Variants in NEB observed in about 807,000 individuals in gnomAD.
The protein encoded by NEB is nemaline myopathy type 2.
NEB carries 512 observed loss-of-function variants against 952.2 expected under a neutral mutation model. That is an observed-to-expected ratio of 0.54 (90% confidence interval 0.50 to 0.58). The LOEUF is 0.58. Among genes scored for constraint, NEB ranks in the 20% least tolerant of loss-of-function variants. The probability of loss-of-function intolerance (pLI) is 0.00; values close to 1 mark genes in which losing one functional copy is unlikely to be tolerated. For missense variants in NEB, 8,428 were observed against 9,231.1 expected, an observed-to-expected ratio of 0.91 and a Z score of 3.56; for synonymous variants, 2,900 against 3,149.8, an observed-to-expected ratio of 0.92 and a Z score of 2.66.
At chr2:151,576,514 ATATTTTTTTTTTTTTTTTTT>A (rs1402333902) in intron 105 of NEB, among the ~76,000 whole-genome samples, 160 bp from the exon 106 acceptor site, 36 of 26,196 alleles carry the variant, frequency 1.4e-3, no homozygotes, top group Non-Finnish European at 1.9e-3. Flanking sequence ...ATATATATAT[ATATTTTTTTTTTTTTTTTTT>A]TTTTTTTTTT....
chr2:151,570,601 T>C lies in NEB; in HGVS notation c.17014A>G (p.Lys5672Glu), dbSNP rs1171154716. The C allele has an allele frequency of 6.3e-7, 1 of 1,584,108 alleles. No homozygotes were observed. The highest frequency in any genetic ancestry group is 8.6e-7 in the Non-Finnish European group (1 of 1,164,524). Residue 5672 changes from lysine (K) to glutamate (E), a missense_variant and splice_region_variant, in exon 108 of 182, where the codon AAA becomes GAA. By Grantham distance (56) the Lys-to-Glu change is moderately conservative. This residue lies in a region of NEB where 3,374 missense variants were observed against 3,651.5 expected (regional missense o/e 0.92). Coordinates refer to ENST00000397345, the MANE Select transcript of NEB (RefSeq NM_001164508.2). Reference protein sequence around the residue: ...ARANALNVSNKLYREGWDEMK... With the variant: ...ARANALNVSNELYREGWDEMK... ...TCATCCCAGCCCTCACGGTAAAGTT[T>C]CTGAAAAGGAGAAAAATAAGGTATC... is the stretch of plus-strand genomic sequence containing the variant.
At chr2:151,614,197 G>T in intron 77 of NEB, 79 bp downstream of exon 77, 1 of 1,516,356 alleles carries the variant, frequency 6.6e-7, no homozygotes, top group Non-Finnish European at 9.0e-7. Context: ...GGTTTCACCA[G>T]ACTGTGGAAA....
At chr2:151,623,826 T>C (rs974359324) in intron 71 of NEB, among the ~76,000 whole-genome samples, 2 of 152,154 alleles carry the variant, frequency 1.3e-5, no homozygotes, top group Non-Finnish European at 2.9e-5. Context: ...ATTTTAAAAA[T>C]GGTATAAGTG....
At chr2:151,639,141 A>C in intron 63 of NEB, 139 bp downstream of exon 63, 2 of 614,410 alleles carry the variant, frequency 3.3e-6, no homozygotes, top group Non-Finnish European at 5.4e-6. Flanking sequence ...TATGATGGTG[A>C]TTGAGAAATG....
In NEB at chr2:151,591,458, GCAAA is replaced by G; in HGVS notation, c.14827-7_14827-4del. ...TCCCAAGCTTGCTGATAGCGTTTCT[GCAAA>G]CAGAGAGTGCAATGCCACAGTCAGT... On this transcript the variant is annotated splice_polypyrimidine_tract_variant and splice_region_variant and intron_variant, in intron 95 of 181. Transcript: ENST00000397345. The G allele has an allele frequency of 3.2e-6, 5 of 1,548,236 alleles. No individual in the cohort carries two copies. The highest frequency in any genetic ancestry group is 3.5e-6 in the Non-Finnish European group (4 of 1,145,824).
intron 141 of NEB, 96 bp downstream of exon 141, chr2:151,537,036 G>C: frequency 1.4e-6 from 1 of 701,398 alleles, no homozygotes. Flanking sequence ...GCCATGATAG[G>C]GATGGAAACA....
At chr2:151,572,553 C>CTT (rs1206979435) in intron 107 of NEB, among the ~76,000 whole-genome samples, 1 of 133,396 alleles carries the variant, frequency 7.5e-6, no homozygotes, top group Non-Finnish European at 1.6e-5. Flanking sequence ...TATATATATA[C>CTT]TTTTTTTTTT....
intron 170 of NEB, 61 bp from the exon 171 acceptor site, chr2:151,497,779 T>C: frequency 1.3e-6 from 2 of 1,544,804 alleles, no homozygotes; most frequent in South Asian, 2.4e-5. Flanking sequence ...TCTTGGGACT[T>C]TTTAAGGATG....
chr2:151,685,906 T>C (rs1477362401), intron 27 of NEB, among the ~76,000 whole-genome samples: 1 of 152,232 alleles, frequency 6.6e-6, no homozygotes, highest in Non-Finnish European at 1.5e-5. Context: ...CAATTCCTTT[T>C]GCAAATGATC....
At position 151,570,343 on chromosome 2, in the gene NEB, G is replaced by A. The variant is rs758317779; in HGVS notation, c.17168C>T (p.Thr5723Ile). ...CTTGTTGTCATCCCTGGCTGTGAGGGTGCCCACGTAGTGTCCCTTCTGCTT... is the reference window on the plus strand; with the variant it reads ...CTTGTTGTCATCCCTGGCTGTGAGGATGCCCACGTAGTGTCCCTTCTGCTT... ...HEKQKGHYVG[T>I]LTARDDNKIR... is the part of the protein sequence containing the mutation. The change falls in exon 109 of 182, where the codon ACC becomes ATC. Residue 5723 changes from threonine to isoleucine, a missense_variant. Transcript: ENST00000397345. 4.4e-6 allele frequency: 7 copies of A among 1,602,518 alleles called. No homozygotes were observed. The Admixed American group carries it at 6.7e-5, about 15-fold the overall frequency.
At chr2:151,616,183 G>A (rs1191515888) in intron 75 of NEB, 74 bp from the exon 76 acceptor site, 8 of 1,067,844 alleles carry the variant, frequency 7.5e-6, no homozygotes, top group Middle Eastern at 2.0e-4. Flanking sequence ...GTTTTTCTTT[G>A]TCCTCATTTA....
At chr2:151,504,728 G>C (rs911132836) in intron 165 of NEB, among the ~76,000 whole-genome samples, 1 of 152,128 alleles carries the variant, frequency 6.6e-6, no homozygotes, top group Non-Finnish European at 1.5e-5. Flanking sequence ...TAGAATCTGC[G>C]TATGGATGGG....
In NEB at chr2:151,610,051, G is replaced by A; in HGVS notation, c.12088C>T (p.Pro4030Ser). Reference protein sequence around the residue: ...HIGAQSIEDDPKIMCAIHAGK... With the variant: ...HIGAQSIEDDSKIMCAIHAGK... Reference sequence around the variant, plus strand: ...GCATGTATGGCACACATAATCTTGGGATCATCTTCAATGCTCTGGGCTCCA... The same window carrying A: ...GCATGTATGGCACACATAATCTTGGAATCATCTTCAATGCTCTGGGCTCCA... The change falls in exon 81 of 182, where the codon CCC becomes TCC. Residue 4030 changes from proline (P) to serine (S), a missense_variant. By Grantham distance (74) the Pro-to-Ser change is moderately conservative. Around this residue, in one of 11 missense-constraint regions of NEB, gnomAD observed 337 missense variants for 297.5 expected, o/e 1.13. Coordinates refer to ENST00000397345, the MANE Select transcript of NEB (RefSeq NM_001164508.2). The A allele has an allele frequency of 6.2e-7, 1 of 1,613,728 alleles. No homozygotes were observed. The highest frequency in any genetic ancestry group is 8.5e-7 in the Non-Finnish European group (1 of 1,179,822).
rs183097140 is a variant in NEB, at chr2:151,646,568, G to A, written c.7432-334C>T. On this transcript the variant is annotated intron_variant, in intron 54 of 181. Transcript: ENST00000397345. ...GTGTCCCTCAGTGTTTAATTTAGAG[G>A]CAGCCCTTGCCTTTTCAAAAGATGT... 1.3e-3 allele frequency among the ~76,000 whole-genome samples: 203 copies of A among 152,254 alleles called. 1 individual carries two copies. The highest frequency in any genetic ancestry group is 4.4e-3 in the African/African-American group (182 of 41,560).
chr2:151,496,491 T>C, intron 172 of NEB, 123 bp from the exon 173 acceptor site: 5 of 1,452,710 alleles, frequency 3.4e-6, no homozygotes, highest in East Asian at 2.5e-5. Context: ...CCAGAAGTTA[T>C]ATGCTGACAA....
chr2:151,535,934 G>T (rs925647246), intron 141 of NEB, 139 bp from the exon 142 acceptor site: 2 of 565,192 alleles, frequency 3.5e-6, no homozygotes, highest in African/African-American at 3.8e-5. Flanking sequence ...TTGAGACAGG[G>T]TTTCACTCTG....
intron 13 of NEB, among the ~76,000 whole-genome samples, chr2:151,704,581 G>T (rs969391829): frequency 6.6e-6 from 1 of 151,798 alleles, no homozygotes; most frequent in African/African-American, 2.4e-5. Flanking sequence ...TTTTTAAGCC[G>T]GTCAGAAAAG....
intron 168 of NEB, 144 bp downstream of exon 168, chr2:151,501,247 T>A (rs1200679559): frequency 1.9e-6 from 1 of 538,588 alleles, no homozygotes; most frequent in African/African-American, 1.9e-5. Flanking sequence ...GAGTAGGAGA[T>A]CTGGAAAACA....
At chr2:151,554,647 CAT>C (rs2095529801) in intron 125 of NEB, among the ~76,000 whole-genome samples, 1 of 152,204 alleles carries the variant, frequency 6.6e-6, no homozygotes, top group Non-Finnish European at 1.5e-5. Context: ...GAGTTACCCT[CAT>C]GTGTTGCATA....
Sources: allele counts gnomAD v4.1 joint callset (sites outside exome capture counted in the v4.1 genomes callset), GRCh38; gene constraint gnomAD v4.1.1; regional missense constraint gnomAD v4.1.1; transcripts MANE v1.5; gene names NCBI Gene and HGNC (gene_info 2026-07-23, HGNC 2026-07-21).